ASIC2: variants seen among roughly 807,000 people sequenced by gnomAD.
ASIC2 encodes the protein acid sensing ion channel subunit 2.
ASIC2 carries 25 observed loss-of-function variants against 57.3 expected under a neutral mutation model. The ratio of observed to expected loss-of-function variants is 0.44; its 90% CI spans 0.32 to 0.61. The LOEUF (loss-of-function observed/expected upper bound fraction) is 0.61. Among genes scored for constraint, ASIC2 ranks in the 20% least tolerant of loss-of-function variants. The pLI, the probability that ASIC2 is intolerant of heterozygous loss-of-function variation, is 0.06. For missense variants in ASIC2, 641 were observed against 738.1 expected, an observed-to-expected ratio of 0.87 and a Z score of 1.52; for synonymous variants, 319 against 307.5, an observed-to-expected ratio of 1.04 and a Z score of -0.39.
intron 1 of ASIC2, among the ~76,000 whole-genome samples, chr17:33,715,877 A>C (rs1047905959): frequency 1.3e-5 from 2 of 152,324 alleles, no homozygotes; most frequent in Admixed American, 1.3e-4. Context: ...ATGTAGATAC[A>C]GAGAGAAAGT....
At chr17:33,482,562 C>T (rs1913441228) in intron 1 of ASIC2, among the ~76,000 whole-genome samples, 1 of 152,234 alleles carries the variant, frequency 6.6e-6, no homozygotes, top group South Asian at 2.1e-4. Flanking sequence ...TCATCTGATT[C>T]TCTCAGCAGC....
chr17:33,627,194 T>G (rs9896364), intron 1 of ASIC2: 69,813 of 151,976 alleles, frequency 0.46, 16,988 homozygotes, highest in African/African-American at 0.62. Flanking sequence ...TCCTTAGGGG[T>G]TCAGCCATTC....
chr17:33,945,822 G>T (rs1174591315), intron 1 of ASIC2, among the ~76,000 whole-genome samples: 1 of 152,190 alleles, frequency 6.6e-6, no homozygotes. Flanking sequence ...GGTCAGAGCA[G>T]CAGGCAGTCT....
intron 1 of ASIC2, among the ~76,000 whole-genome samples, chr17:33,727,233 G>C (rs1422159122): frequency 3.3e-5 from 5 of 152,154 alleles, no homozygotes; most frequent in African/African-American, 1.2e-4. Context: ...AGAGGTTGGA[G>C]ATTTTCCAGG....
At chr17:33,662,592 C>G (rs569977737) in intron 1 of ASIC2, among the ~76,000 whole-genome samples, 6 of 151,314 alleles carry the variant, frequency 4.0e-5, no homozygotes, top group Admixed American at 2.0e-4. Flanking sequence ...CACTGTACTC[C>G]AGCCTGGGTG....
At chr17:33,616,908 C>G (rs1905622770) in intron 1 of ASIC2, among the ~76,000 whole-genome samples, 1 of 152,208 alleles carries the variant, frequency 6.6e-6, no homozygotes, top group African/African-American at 2.4e-5. Context: ...TATGTACTAG[C>G]TTTCTTGTGA....
intron 1 of ASIC2, among the ~76,000 whole-genome samples, chr17:33,444,853 C>A (rs150400882): frequency 6.6e-6 from 1 of 152,140 alleles, no homozygotes; most frequent in Admixed American, 6.5e-5. Context: ...TAAAAGTCGA[C>A]GGTTGGCAGG....
intron 1 of ASIC2, among the ~76,000 whole-genome samples, chr17:33,536,151 C>T (rs969682155): frequency 1.3e-5 from 2 of 151,812 alleles, no homozygotes; most frequent in Non-Finnish European, 2.9e-5. Context: ...ACGGGAGTGA[C>T]GTTCATGTGC....
At chr17:33,595,900 A>G (rs111480282) in intron 1 of ASIC2, among the ~76,000 whole-genome samples, 25 of 152,238 alleles carry the variant, frequency 1.6e-4, no homozygotes, top group African/African-American at 5.8e-4. Context: ...TCTGGGCTCT[A>G]CTTATTTTCT....
intron 1 of ASIC2, among the ~76,000 whole-genome samples, chr17:33,995,499 T>A (rs4520882): frequency 0.096 from 14,574 of 152,190 alleles, 1,160 homozygotes; most frequent in East Asian, 0.23. Flanking sequence ...GTGTCTTTTT[T>A]AAAAAATTGT....
intron 1 of ASIC2, among the ~76,000 whole-genome samples, chr17:33,381,886 G>T (rs1909502144): frequency 6.6e-6 from 1 of 152,154 alleles, no homozygotes; most frequent in South Asian, 2.1e-4. Context: ...TGTTCTGAGG[G>T]TTACTGTAAA....
At chr17:34,120,897 C>T (rs1265613859) in intron 1 of ASIC2, among the ~76,000 whole-genome samples, 3 of 150,490 alleles carry the variant, frequency 2.0e-5, no homozygotes, top group African/African-American at 7.5e-5. Context: ...TGCCACCACG[C>T]CTGGCTAATT....
intron 1 of ASIC2, among the ~76,000 whole-genome samples, chr17:34,019,029 T>C (rs1907063274): frequency 6.6e-6 from 1 of 152,110 alleles, no homozygotes; most frequent in South Asian, 2.1e-4. Context: ...TGCCTCAGCC[T>C]CCCGAGTAGC....
At chr17:33,837,853 C>T (rs973814711) in intron 1 of ASIC2, among the ~76,000 whole-genome samples, 1 of 152,162 alleles carries the variant, frequency 6.6e-6, no homozygotes, top group African/African-American at 2.4e-5. Flanking sequence ...ATCATCCAAA[C>T]TCTTCTACAT....
intron 1 of ASIC2, among the ~76,000 whole-genome samples, chr17:33,848,629 ACAAC>A (rs1913679370): frequency 6.6e-6 from 1 of 152,200 alleles, no homozygotes; most frequent in African/African-American, 2.4e-5. Context: ...AGCAAAAATA[ACAAC>A]GTCAGCACTT....
At chr17:34,036,688 T>G (rs1293711882) in intron 1 of ASIC2, 10 of 142,226 alleles carry the variant, frequency 7.0e-5, no homozygotes, top group South Asian at 2.2e-4. Context: ...TTGTTTTTTT[T>G]TTTTTTTTTT....
intron 1 of ASIC2, among the ~76,000 whole-genome samples, chr17:33,464,457 C>CCCTT (rs1912743395): frequency 1.2e-5 from 1 of 85,856 alleles, no homozygotes; most frequent in Non-Finnish European, 2.4e-5. Context: ...GCCTCTTTTT[C>CCCTT]TCTTTCTTTC....
Position 33,050,789 on chromosome 17 carries a change from G to C in ASIC2, c.988-22397C>G, listed in dbSNP as rs533456989. ...GACCATGGCCCTCCTGCTTGGTGGT[G>C]GGGAGACTGGCATGTGGAAACACCA... On this transcript the variant is annotated intron_variant, in intron 3 of 9. Coordinates refer to ENST00000225823, the MANE Select transcript of ASIC2 (RefSeq NM_183377.2). 1.1e-4 allele frequency among the ~76,000 whole-genome samples: 16 copies of C among 152,164 alleles called. No individual in the cohort carries two copies. The South Asian group carries it at 2.5e-3, about 24-fold the overall frequency.
intron 1 of ASIC2, chr17:34,038,489 T>C: frequency 6.2e-7 from 1 of 1,612,120 alleles, no homozygotes; most frequent in Non-Finnish European, 8.5e-7. Context: ...GTATCTTTGC[T>C]CTGTTAGATC....
Sources: gnomAD v4.1 joint callset for allele counts (sites outside exome capture counted in the v4.1 genomes callset) on GRCh38, gnomAD v4.1.1 for gene constraint, MANE v1.5 for transcripts, NCBI Gene and HGNC (gene_info 2026-07-23, HGNC 2026-07-21) for gene names.